Variants in GALNT10 observed in about 807,000 individuals in gnomAD.
GALNT10 encodes GalNAc transferase 10.
GALNT10 carries 41 observed loss-of-function variants against 75.0 expected under a neutral mutation model. That is an observed-to-expected ratio of 0.55 (90% CI 0.43 to 0.71). The LOEUF is 0.71. GALNT10 is among the 30% of genes least tolerant of loss of function. The probability of loss-of-function intolerance (pLI) is 0.00; values close to 1 mark genes in which losing one functional copy is unlikely to be tolerated. For synonymous variants in GALNT10, 302 were observed against 313.0 expected (o/e 0.96, Z 0.37); for missense variants, 727 against 818.5 (o/e 0.89, Z 1.36).
At chr5:154,235,987 G>T (rs1306050796) in intron 1 of GALNT10, among the ~76,000 whole-genome samples, 2 of 152,184 alleles carry the variant, frequency 1.3e-5, no homozygotes, top group Non-Finnish European at 2.9e-5. Flanking sequence ...ATTGTGCCAA[G>T]TTCCCACAAT....
In GALNT10 at chr5:154,416,679, G is replaced by A; in HGVS notation, c.1654-135G>A. On this transcript the variant is annotated intron_variant, in intron 11 of 11. Coordinates refer to ENST00000297107, the MANE Select transcript of GALNT10 (RefSeq NM_198321.4). The surrounding 1 kb of genome is among the most constrained non-coding windows in gnomAD (Gnocchi z 4.5). The stretch of plus-strand genomic sequence containing the variant: ...GGCAGCATCCGGCTTGTGAGCTCAG[G>A]AGGAAAACCAACAGGTGTATGAACA... 4.4e-6 allele frequency: 3 copies of A among 680,730 alleles called. No homozygotes were observed. The East Asian group carries it at 8.0e-5, about 18-fold the overall frequency. 42.2% of individuals were successfully genotyped at this position (680,730 alleles called of 1,614,324 possible).
chr5:154,406,808 A>T (rs1389014827), intron 8 of GALNT10, among the ~76,000 whole-genome samples: 1 of 152,178 alleles, frequency 6.6e-6, no homozygotes, highest in Admixed American at 6.5e-5. Flanking sequence ...GGGGGAAAAA[A>T]AGTGCTCAAT....
intron 4 of GALNT10, among the ~76,000 whole-genome samples, chr5:154,371,776 T>TC (rs139540609): frequency 0.011 from 1,688 of 152,078 alleles, 25 homozygotes; most frequent in African/African-American, 0.039. Flanking sequence ...CTCTGAGGAG[T>TC]CCTTGGGATA....
chr5:154,339,265 T>C (rs995598050), intron 4 of GALNT10, among the ~76,000 whole-genome samples: 1 of 152,188 alleles, frequency 6.6e-6, no homozygotes, highest in East Asian at 1.9e-4. Flanking sequence ...CAAGTATCAG[T>C]CTCCAGGGTG....
At chr5:154,400,224 G>A (rs1756130741) in intron 7 of GALNT10, among the ~76,000 whole-genome samples, 1 of 152,188 alleles carries the variant, frequency 6.6e-6, no homozygotes, top group Admixed American at 6.5e-5. Flanking sequence ...GTGAGGGGCT[G>A]TCTTCAACAG....
At chr5:154,270,731 A>G (rs1389647050) in intron 1 of GALNT10, among the ~76,000 whole-genome samples, 1 of 152,254 alleles carries the variant, frequency 6.6e-6, no homozygotes, top group African/African-American at 2.4e-5. Context: ...ACAGTGGCTC[A>G]TGTCTGTAAT....
intron 1 of GALNT10, among the ~76,000 whole-genome samples, chr5:154,235,664 T>C (rs560313430): frequency 6.6e-6 from 1 of 152,342 alleles, no homozygotes; most frequent in African/African-American, 2.4e-5. Flanking sequence ...AGCCAGTTAT[T>C]TAATCACTTT....
intron 3 of GALNT10, among the ~76,000 whole-genome samples, chr5:154,307,967 T>C (rs1287759229): frequency 2.7e-5 from 4 of 146,602 alleles, no homozygotes; most frequent in African/African-American, 1.0e-4. Context: ...AGTGAAAATA[T>C]CTTCCAAAAA....
intron 1 of GALNT10, among the ~76,000 whole-genome samples, chr5:154,267,371 T>A (rs1382614083): frequency 6.6e-6 from 1 of 152,184 alleles, no homozygotes; most frequent in Non-Finnish European, 1.5e-5. Flanking sequence ...GACCCAGACA[T>A]GCCTCTTGAA....
intron 1 of GALNT10, among the ~76,000 whole-genome samples, chr5:154,236,287 C>T (rs1162259865): frequency 3.3e-5 from 5 of 152,182 alleles, no homozygotes; most frequent in African/African-American, 9.7e-5. Context: ...GCAGGAATTC[C>T]GTGAGATAAT....
At chr5:154,385,391 G>A (rs1190053140) in intron 6 of GALNT10, among the ~76,000 whole-genome samples, 3 of 152,124 alleles carry the variant, frequency 2.0e-5, no homozygotes, top group Non-Finnish European at 4.4e-5. Flanking sequence ...CCTTGCTGAC[G>A]TTTTATCCTC....
At chr5:154,278,445 A>G (rs947714433) in intron 1 of GALNT10, among the ~76,000 whole-genome samples, 1 of 152,216 alleles carries the variant, frequency 6.6e-6, no homozygotes, top group Non-Finnish European at 1.5e-5. Flanking sequence ...AGCCTTTAAT[A>G]TGCTAATATA....
chr5:154,411,509 G>A (rs368358382), intron 9 of GALNT10, among the ~76,000 whole-genome samples: 19 of 152,232 alleles, frequency 1.2e-4, no homozygotes, highest in African/African-American at 4.6e-4. Context: ...GGCGCGTGAG[G>A]AGCAGTAGCC....
At position 154,399,369 on chromosome 5, in the gene GALNT10, A is replaced by G. The variant is rs116107106; in HGVS notation, c.1057-4735A>G. ...TCTTGGGATCCTGTCTCTCCGTGGC[A>G]GAGTTGAGAGCTGTTTGTCACAAGA... On this transcript the variant is annotated intron_variant, in intron 7 of 11. Coordinates refer to ENST00000297107, the MANE Select transcript of GALNT10 (RefSeq NM_198321.4). 2.8e-3 allele frequency among the ~76,000 whole-genome samples: 427 copies of G among 152,272 alleles called. 2 individuals carry two copies. The highest frequency in any genetic ancestry group is 4.7e-3 in the Non-Finnish European group (317 of 68,010).
intron 1 of GALNT10, among the ~76,000 whole-genome samples, chr5:154,274,937 A>T (rs894594766): frequency 6.6e-6 from 1 of 152,192 alleles, no homozygotes; most frequent in Non-Finnish European, 1.5e-5. Context: ...GCAGTGCCTT[A>T]CACCTGGCCA....
intron 3 of GALNT10, among the ~76,000 whole-genome samples, chr5:154,304,845 T>C (rs1343194489): frequency 6.6e-6 from 1 of 152,236 alleles, no homozygotes; most frequent in Non-Finnish European, 1.5e-5. Flanking sequence ...CAATATCATC[T>C]GAAGGTAGAC....
At chr5:154,398,068 G>A (rs1238782509) in intron 7 of GALNT10, among the ~76,000 whole-genome samples, 1 of 152,218 alleles carries the variant, frequency 6.6e-6, no homozygotes, top group Admixed American at 6.5e-5. Flanking sequence ...AAAATGAATG[G>A]GGAACAGGCT....
At chr5:154,254,325 T>G (rs1028937455) in intron 1 of GALNT10, among the ~76,000 whole-genome samples, 3 of 152,188 alleles carry the variant, frequency 2.0e-5, no homozygotes, top group Non-Finnish European at 1.5e-5. Context: ...TATGGCCATC[T>G]TATTCTTCAT....
chr5:154,255,524 G>A (rs1753593522), intron 1 of GALNT10, among the ~76,000 whole-genome samples: 1 of 151,990 alleles, frequency 6.6e-6, no homozygotes, highest in South Asian at 2.1e-4. Context: ...CTCTACTGTT[G>A]GTCAACACTC....
Sources: allele counts gnomAD v4.1 joint callset (sites outside exome capture counted in the v4.1 genomes callset), GRCh38; gene constraint gnomAD v4.1.1; non-coding constraint Gnocchi (gnomAD v3.1); transcripts MANE v1.5; gene names NCBI Gene and HGNC (gene_info 2026-07-23, HGNC 2026-07-21).